Variants in SPAG16 observed in about 807,000 individuals in gnomAD.
The protein encoded by SPAG16 is sperm associated antigen 16.
SPAG16 carries 86 observed loss-of-function variants against 80.4 expected under a neutral mutation model. That is an observed-to-expected ratio of 1.07 (90% CI 0.90 to 1.28). SPAG16 has a LOEUF of 1.28. Ranked by LOEUF, SPAG16 falls within the 50% of genes most tolerant of loss-of-function variation. The pLI, the probability that SPAG16 is intolerant of heterozygous loss-of-function variation, is 0.00. For synonymous variants in SPAG16, 294 were observed against 265.9 expected (o/e 1.11, Z -1.03); for missense variants, 870 against 765.3 (o/e 1.14, Z -1.61).
intron 1 of SPAG16, chr2:213,285,748 C>T (rs965876580): frequency 6.6e-6 from 3 of 455,940 alleles, no homozygotes; most frequent in South Asian, 2.0e-5. Flanking sequence ...AAATTTGAAT[C>T]GCTTGAAATG....
chr2:214,375,763 CT>C (rs1202187379), intron 15 of SPAG16, among the ~76,000 whole-genome samples: 1 of 152,146 alleles, frequency 6.6e-6, no homozygotes, highest in Non-Finnish European at 1.5e-5. Flanking sequence ...ATCATACCCA[CT>C]GTGCTTTTGT....
intron 13 of SPAG16, among the ~76,000 whole-genome samples, chr2:214,044,720 A>C (rs987770508): frequency 6.6e-6 from 1 of 152,136 alleles, no homozygotes; most frequent in Admixed American, 6.5e-5. Flanking sequence ...AAATTTTTGC[A>C]CTTAAGAGAG....
intron 1 of SPAG16, chr2:213,285,885 G>A (rs1215759583): frequency 1.6e-6 from 2 of 1,289,254 alleles, no homozygotes; most frequent in South Asian, 1.2e-5. Flanking sequence ...TTCTTCCTAA[G>A]CTTATCTATA....
At chr2:213,477,068 TG>T (rs1237540435) in intron 9 of SPAG16, among the ~76,000 whole-genome samples, 1 of 151,984 alleles carries the variant, frequency 6.6e-6, no homozygotes, top group Admixed American at 6.6e-5. Context: ...GGTCCATGGG[TG>T]GGCTCGAAAA....
intron 11 of SPAG16, among the ~76,000 whole-genome samples, chr2:213,878,557 C>T (rs957919985): frequency 3.3e-5 from 5 of 152,030 alleles, no homozygotes; most frequent in Non-Finnish European, 7.4e-5. Context: ...GATATCATTA[C>T]CCTGTCAGAT....
intron 10 of SPAG16, among the ~76,000 whole-genome samples, chr2:213,678,302 A>G (rs1329787576): frequency 6.6e-6 from 1 of 151,786 alleles, no homozygotes; most frequent in Non-Finnish European, 1.5e-5. Context: ...GACACAAAAA[A>G]CCCTTCAAAA....
intron 10 of SPAG16, among the ~76,000 whole-genome samples, chr2:213,800,106 T>C (rs2071290385): frequency 6.6e-6 from 1 of 152,238 alleles, no homozygotes; most frequent in Non-Finnish European, 1.5e-5. Context: ...GGGAGACTAT[T>C]GACCTCCTTG....
intron 15 of SPAG16, among the ~76,000 whole-genome samples, chr2:214,302,830 GA>G (rs1694654383): frequency 1.3e-5 from 2 of 152,144 alleles, no homozygotes; most frequent in Admixed American, 1.3e-4. Flanking sequence ...ATGAATTTAT[GA>G]TAGTTAAATT....
chr2:213,831,191 C>A (rs1056305651), intron 10 of SPAG16, among the ~76,000 whole-genome samples: 5 of 151,708 alleles, frequency 3.3e-5, no homozygotes, highest in African/African-American at 1.2e-4. Context: ...AAGCACTCAC[C>A]ACTGCATCCA....
intron 12 of SPAG16, among the ~76,000 whole-genome samples, chr2:213,965,964 C>T (rs910938859): frequency 1.3e-5 from 2 of 152,130 alleles, no homozygotes; most frequent in African/African-American, 4.8e-5. Flanking sequence ...AATGATGGGA[C>T]CCAGAATAAT....
chr2:213,913,423 G>A (rs577954537), intron 11 of SPAG16, among the ~76,000 whole-genome samples: 1 of 151,954 alleles, frequency 6.6e-6, no homozygotes, highest in East Asian at 1.9e-4. Flanking sequence ...CAAACTTTTG[G>A]CCTGAGGATC....
intron 10 of SPAG16, among the ~76,000 whole-genome samples, chr2:213,762,176 A>C (rs1388169439): frequency 6.6e-6 from 1 of 152,208 alleles, no homozygotes; most frequent in Non-Finnish European, 1.5e-5. Context: ...TAAAGCCAAA[A>C]GGTAGACCAG....
At chr2:214,036,695 A>G (rs1215114543) in intron 13 of SPAG16, among the ~76,000 whole-genome samples, 1 of 152,168 alleles carries the variant, frequency 6.6e-6, no homozygotes. Flanking sequence ...TACATGTTTA[A>G]TCTTACAATG....
At chr2:213,799,671 A>T (rs746788360) in intron 10 of SPAG16, among the ~76,000 whole-genome samples, 1 of 152,142 alleles carries the variant, frequency 6.6e-6, no homozygotes, top group Non-Finnish European at 1.5e-5. Flanking sequence ...GTGTTTTTCT[A>T]TAACAGTTTT....
intron 12 of SPAG16, among the ~76,000 whole-genome samples, chr2:213,943,766 C>T (rs1347182835): frequency 6.6e-6 from 1 of 152,130 alleles, no homozygotes; most frequent in Non-Finnish European, 1.5e-5. Context: ...CTTAGCCTAT[C>T]CATGTTGCAG....
intron 14 of SPAG16, among the ~76,000 whole-genome samples, chr2:214,137,294 CATT>C (rs1277582130): frequency 6.6e-6 from 1 of 151,876 alleles, no homozygotes; most frequent in Non-Finnish European, 1.5e-5. Flanking sequence ...ATTTTTTCGT[CATT>C]AATAATCTTC....
chr2:213,337,406 G>A (rs973812223), intron 5 of SPAG16, among the ~76,000 whole-genome samples: 2 of 152,266 alleles, frequency 1.3e-5, no homozygotes, highest in Admixed American at 6.5e-5. Context: ...TTCAGAAGAT[G>A]GGTAATAATG....
intron 11 of SPAG16, among the ~76,000 whole-genome samples, chr2:213,919,244 G>A (rs1462196435): frequency 6.6e-6 from 1 of 150,804 alleles, no homozygotes; most frequent in African/African-American, 2.4e-5. Context: ...TTGATTATTT[G>A]GATTCATTGA....
intron 13 of SPAG16, among the ~76,000 whole-genome samples, chr2:214,078,954 A>T (rs1033512132): frequency 2.0e-5 from 3 of 152,196 alleles, no homozygotes; most frequent in Non-Finnish European, 4.4e-5. Context: ...CCCTTCCTGC[A>T]GTAGAAAAAG....
Sources: gnomAD v4.1 joint callset for allele counts (sites outside exome capture counted in the v4.1 genomes callset) on GRCh38, gnomAD v4.1.1 for gene constraint, MANE v1.5 for transcripts, NCBI Gene and HGNC (gene_info 2026-07-23, HGNC 2026-07-21) for gene names.